The following FAHD2B variants were observed in gnomAD, a reference collection of about 807,000 sequenced individuals.
FAHD2B encodes the protein oxaloacetate tautomerase FAHD2B, mitochondrial.
A neutral mutation model predicts 33.7 loss-of-function variants in FAHD2B; 26 were observed. The observed-to-expected ratio is 0.77, with a 90% CI of 0.57 to 1.07. The LOEUF (loss-of-function observed/expected upper bound fraction) is 1.07, where lower values mean the gene tolerates loss of function less well. FAHD2B is among the 50% of genes least tolerant of loss of function. The pLI, the probability that FAHD2B is intolerant of heterozygous loss-of-function variation, is 0.00. For synonymous variants in FAHD2B, 108 were observed against 150.9 expected, an observed-to-expected ratio of 0.72 and a Z score of 2.08; for missense variants, 272 against 388.1, an observed-to-expected ratio of 0.70 and a Z score of 2.51.
chr2:97,090,202 G>A lies in FAHD2B; in HGVS notation c.369C>T (p.Asn123=), dbSNP rs757556076. The change falls in exon 4 of 9, where the codon AAC becomes AAT. Residue 123 remains asparagine (N), a synonymous_variant. Coordinates refer to ENST00000414820, the MANE Select transcript of FAHD2B (RefSeq NM_001320848.2). ...MNYVDHCKEQ[N]VPVPKEPIIF... ...TGATGGGCTCCTTGGGCACGGGCAC[G>A]TTCTGTTCTTTGCAGTGGTCCACAT... 1.9e-5 allele frequency: 30 copies of A among 1,610,986 alleles called. 1 individual carries two copies. The highest frequency in any genetic ancestry group is 1.8e-4 in the Middle Eastern group (1 of 5,518).
intron 3 of FAHD2B, 92 bp downstream of exon 3, chr2:97,091,370 A>G (rs2032324592): frequency 2.1e-5 from 29 of 1,400,234 alleles, no homozygotes; most frequent in Non-Finnish European, 2.6e-5. Context: ...CTCCCTTGCA[A>G]AAGAGCTACC....
chr2:97,081,228 G>A (rs1002035279), downstream of FAHD2B: 39 of 1,486,168 alleles, frequency 2.6e-5, no homozygotes, highest in African/African-American at 3.1e-4. Context: ...ACCTGCTGCC[G>A]CAAGACCTGC....
intron 4 of FAHD2B, among the ~76,000 whole-genome samples, chr2:97,087,716 C>T (rs866841844): frequency 6.6e-6 from 1 of 152,156 alleles, no homozygotes. Context: ...AAAGTCATTG[C>T]TCTTCATCCC....
intron 1 of FAHD2B, among the ~76,000 whole-genome samples, chr2:97,092,965 C>CAAAAAAAAAAAAAAAAAAAAAAA (rs748844060): frequency 3.1e-5 from 2 of 64,220 alleles, no homozygotes; most frequent in African/African-American, 5.7e-5. Flanking sequence ...AGAGCGACTC[C>CAAAAAAAAAAAAAAAAAAAAAAA]AAAAAAAAAA....
chr2:97,082,609 C>A, downstream of FAHD2B: 2 of 1,563,502 alleles, frequency 1.3e-6, no homozygotes, highest in Non-Finnish European at 1.8e-6. Context: ...AGTTCTATCC[C>A]TCCCGGGGCT....
chr2:97,085,969 G>C, intron 5 of FAHD2B, 108 bp from the exon 6 acceptor site: 4 of 1,508,626 alleles, frequency 2.7e-6, no homozygotes, highest in Non-Finnish European at 3.6e-6. Context: ...GCCAGAGCCA[G>C]CCAAAGGTGG....
Position 97,091,671 on chromosome 2 carries a change from A to G in FAHD2B, c.36T>C (p.Ala12=). 1 of 1,613,488 alleles carries G rather than the reference A, an allele frequency of 6.2e-7. No homozygotes were observed. The highest frequency in any genetic ancestry group is 8.5e-7 in the Non-Finnish European group (1 of 1,179,700). ...LVSGRRRLLT[A]LLQAQKWPFQ... ...AGGGCCACTTCTGAGCCTGCAGCAG[A>G]GCTGTGAGTAATCTTCTTCTACCAG... is the stretch of plus-strand genomic sequence containing the variant. The change falls in exon 3 of 9, where the codon GCT becomes GCC. Residue 12 remains alanine, a synonymous_variant. Coordinates refer to ENST00000414820, the MANE Select transcript of FAHD2B (RefSeq NM_001320848.2).
intron 2 of FAHD2B, 25 bp from the exon 3 acceptor site, chr2:97,091,737 G>C: frequency 6.3e-7 from 1 of 1,591,434 alleles, no homozygotes. Context: ...ACAGGATCCA[G>C]GAGATGGAGG....
intron 2 of FAHD2B, 66 bp downstream of exon 2, chr2:97,091,797 A>G (rs2032364483): frequency 6.6e-6 from 10 of 1,526,702 alleles, no homozygotes; most frequent in Admixed American, 6.3e-5. Flanking sequence ...CTATAGCCCA[A>G]GGCCCTTTGC....
intron 4 of FAHD2B, chr2:97,086,423 C>T (rs2031994341): frequency 1.7e-6 from 1 of 578,160 alleles, no homozygotes; most frequent in Non-Finnish European, 3.1e-6. Flanking sequence ...CAGGTCCCCA[C>T]ACCACTGTGA....
Position 97,090,304 on chromosome 2 carries a change from T to A in FAHD2B, c.267A>T (p.Pro89=), listed in dbSNP as rs144741585. The A allele has an allele frequency of 3.1e-6, 5 of 1,613,034 alleles. No individual in the cohort carries two copies. The highest frequency in any genetic ancestry group is 4.2e-6 in the Non-Finnish European group (5 of 1,179,582). ...AGGTTACCTCCGACCATGGTAGGACTGGCAACTGGGCAGCCAAGGCTCTGT... is the reference window on the plus strand; with the variant it reads ...AGGTTACCTCCGACCATGGTAGGACAGGCAACTGGGCAGCCAAGGCTCTGT... ...VARRALAAQL[P]VLPWSEVTFL... Residue 89 remains proline, a synonymous_variant, in exon 4 of 9, where the codon CCA becomes CCT. Transcript: ENST00000414820.
Position 97,084,326 on chromosome 2 carries a change from C to T in FAHD2B, c.686-49G>A, listed in dbSNP as rs757216055. The T allele has an allele frequency of 2.5e-6, 4 of 1,605,010 alleles. No individual in the cohort carries two copies. The Admixed American group carries it at 5.0e-5, about 20-fold the overall frequency. ...GGAGTTATCCCTTTTCCCCCTCAAA[C>T]CCCCCAGTGTTTTACAAACACAACT... On this transcript the variant is annotated intron_variant, in intron 6 of 8. Transcript: ENST00000414820.
chr2:97,082,428 T>C (rs2031680068), downstream of FAHD2B: 3 of 1,613,750 alleles, frequency 1.9e-6, 1 homozygote, highest in Admixed American at 5.0e-5. Flanking sequence ...GCTGTTCCAG[T>C]TCCTGCAGGC....
In FAHD2B at chr2:97,083,835, A is replaced by G. The variant is rs751063647; in HGVS notation, c.883-18T>C. On this transcript the variant is annotated intron_variant, in intron 8 of 8. Transcript: ENST00000414820. ...TCCCCCTTCTGCAACAGAGCAGGCCATGACGGTGTCAGCCCTTCCGTCAGA... is the reference window on the plus strand; with the variant it reads ...TCCCCCTTCTGCAACAGAGCAGGCCGTGACGGTGTCAGCCCTTCCGTCAGA... The G allele has an allele frequency of 5.6e-6, 9 of 1,613,972 alleles. 1 individual carries two copies. In the East Asian group the frequency reaches 2.0e-4, roughly 36 times the overall value.
In FAHD2B at chr2:97,091,616, G is replaced by A. The variant is rs1282061689; in HGVS notation, c.91C>T (p.Gln31Ter). ...FQPSRDMRLVQFRAPHLVGPH... is the reference protein window; with the variant it reads ...FQPSRDMRLV ...CCCACCAGGTGGGGTGCCCGGAACTGCACTAGTCTCATGTCTCTGGAGGGT... is the reference window on the plus strand; with the variant it reads ...CCCACCAGGTGGGGTGCCCGGAACTACACTAGTCTCATGTCTCTGGAGGGT... Residue 31 changes from glutamine (Q) to a stop codon, truncating the protein, a stop_gained, in exon 3 of 9, where the codon CAG becomes TAG. Coordinates refer to ENST00000414820, the MANE Select transcript of FAHD2B (RefSeq NM_001320848.2). LOFTEE classifies it high-confidence loss of function. The A allele has an allele frequency of 2.5e-6, 4 of 1,613,976 alleles. No individual in the cohort carries two copies. Among genetic ancestry groups the A allele is most frequent in the Non-Finnish European group, 3.4e-6 (4 of 1,180,026 alleles).
intron 1 of FAHD2B, among the ~76,000 whole-genome samples, chr2:97,093,471 C>CTTT (rs34927915): frequency 5.1e-4 from 47 of 92,100 alleles, no homozygotes; most frequent in African/African-American, 1.1e-3. Context: ...TGATTTAATT[C>CTTT]TTTTTTTTTT....
rs1044156573 is a variant in FAHD2B at position 97,092,069 on chromosome 2, C to T, written c.-132-81G>A. The T allele has an allele frequency of 5.8e-5, 11 of 190,302 alleles. 1 individual carries two copies. The highest frequency in any genetic ancestry group is 1.1e-4 in the Admixed American group (2 of 18,310). 11.8% of individuals were successfully genotyped at this position (190,302 alleles called of 1,614,324 possible). ...ACAGGTCACAGATGTTAACAACTGA[C>T]GTAAGATTCAGCTATCAGGACTAAT... is the stretch of plus-strand genomic sequence containing the variant. On this transcript the variant is annotated intron_variant, in intron 1 of 8. Coordinates refer to ENST00000414820, the MANE Select transcript of FAHD2B (RefSeq NM_001320848.2).
downstream of FAHD2B, chr2:97,082,076 G>A: frequency 1.3e-6 from 2 of 1,586,244 alleles, no homozygotes; most frequent in Non-Finnish European, 8.6e-7. Context: ...GATAGTGACA[G>A]TGATGACTTC....
At chr2:97,087,543 C>CA (rs1310848521) in intron 4 of FAHD2B, among the ~76,000 whole-genome samples, 3 of 151,814 alleles carry the variant, frequency 2.0e-5, no homozygotes, top group Admixed American at 2.0e-4. Flanking sequence ...ACTAGAAATA[C>CA]AAAAAATTAG....
Sources: allele counts gnomAD v4.1 joint callset (sites outside exome capture counted in the v4.1 genomes callset), GRCh38; gene constraint gnomAD v4.1.1; transcripts MANE v1.5; gene names NCBI Gene and HGNC (gene_info 2026-07-23, HGNC 2026-07-21).